The following STAU1 variants were observed in gnomAD, a reference collection of about 807,000 sequenced individuals.
STAU1 encodes staufen double-stranded RNA binding protein 1.
In STAU1, 13 loss-of-function variants were observed where a neutral mutation model predicts 62.9. That is an observed-to-expected ratio of 0.21 (90% confidence interval 0.13 to 0.33). The LOEUF (loss-of-function observed/expected upper bound fraction) is 0.33. Ranked by LOEUF, STAU1 falls within the 10% of genes least tolerant of loss-of-function variation. STAU1 has a pLI of 1.00. For synonymous variants in STAU1, 269 were observed against 265.1 expected (o/e 1.01, Z -0.14); for missense variants, 571 against 712.1 (o/e 0.80, Z 2.25).
At chr20:49,123,325 G>A in intron 7 of STAU1, 90 bp from the exon 8 acceptor site, 2 of 1,575,622 alleles carry the variant, frequency 1.3e-6, no homozygotes, top group Non-Finnish European at 1.7e-6. Flanking sequence ...GGAGATAAGA[G>A]ATTTTGGGTT....
chr20:49,207,755 C>T, the STAU1 span, among the ~76,000 whole-genome samples: 59 of 152,020 alleles, frequency 3.9e-4, no homozygotes, highest in Non-Finnish European at 6.0e-4. Flanking sequence ...CGGCTGACCT[C>T]GTGATCCACC....
chr20:49,217,846 C>CAAAAAT, the STAU1 span, among the ~76,000 whole-genome samples: 15 of 149,970 alleles, frequency 1.0e-4, no homozygotes, highest in Non-Finnish European at 2.1e-4. Context: ...GACCCTGTCT[C>CAAAAAT]AAAAATAAAA....
chr20:49,163,816 G>A (rs2093486041), intron 3 of STAU1, among the ~76,000 whole-genome samples: 1 of 152,032 alleles, frequency 6.6e-6, no homozygotes, highest in South Asian at 2.1e-4. Flanking sequence ...CCAGGCTGGA[G>A]TAAGACAGCA....
chr20:49,211,397 G>A, the STAU1 span, among the ~76,000 whole-genome samples: 1 of 150,904 alleles, frequency 6.6e-6, no homozygotes, highest in East Asian at 1.9e-4. Flanking sequence ...TAGAGGCAGG[G>A]TCTCTGTATG....
intron 9 of STAU1, 125 bp from the exon 10 acceptor site, chr20:49,118,533 C>T: frequency 1.4e-6 from 1 of 718,660 alleles, no homozygotes; most frequent in South Asian, 1.8e-5. Flanking sequence ...GCAGAAAAAC[C>T]CTGCCCCACC....
the STAU1 span, among the ~76,000 whole-genome samples, chr20:49,197,176 A>C: frequency 6.6e-6 from 1 of 151,674 alleles, no homozygotes; most frequent in Non-Finnish European, 1.5e-5. Context: ...ATAAAATAAA[A>C]CAAAATAACA....
chr20:49,134,470 C>T (rs1350193532), intron 6 of STAU1: 6 of 753,526 alleles, frequency 8.0e-6, no homozygotes, highest in African/African-American at 5.6e-5. Flanking sequence ...GAAACCCGGG[C>T]GCCGCCAAGA....
At chr20:49,211,071 T>C in the STAU1 span, among the ~76,000 whole-genome samples, 1 of 152,312 alleles carries the variant, frequency 6.6e-6, no homozygotes, top group East Asian at 1.9e-4. Context: ...AATAAAATAA[T>C]ATGTAACCTT....
At chr20:49,174,428 G>T (rs574033795) in intron 1 of STAU1, among the ~76,000 whole-genome samples, 159 bp from the exon 2 acceptor site, 1 of 152,316 alleles carries the variant, frequency 6.6e-6, no homozygotes, top group African/African-American at 2.4e-5. Flanking sequence ...GTCTTCAAAA[G>T]ACACAAGCGG....
At chr20:49,158,448 A>G (rs748290337) in intron 3 of STAU1, 10 of 1,304,534 alleles carry the variant, frequency 7.7e-6, no homozygotes, top group African/African-American at 1.5e-5. Context: ...TTCATAGCTG[A>G]TTTTTCTTGT....
At position 49,151,566 on chromosome 20, in the gene STAU1, G is replaced by A. The variant is rs761512264; in HGVS notation, c.510+16C>T. The A allele has an allele frequency of 6.3e-7, 1 of 1,579,920 alleles. No individual in the cohort carries two copies. The highest frequency in any genetic ancestry group is 1.2e-5 in the South Asian group (1 of 85,740). On this transcript the variant is annotated intron_variant, in intron 5 of 13. Transcript: ENST00000371856. ...ACCCTGTCGAAGCGTCAGGGAGCCT[G>A]GGCTCAACTCCTCACCTCCAGCCTC...
chr20:49,130,350 G>A (rs912119738), intron 6 of STAU1, among the ~76,000 whole-genome samples: 33 of 152,196 alleles, frequency 2.2e-4, no homozygotes, highest in Admixed American at 1.9e-3. Flanking sequence ...ACTTTACTGG[G>A]TGGGAGATGT....
intron 12 of STAU1, among the ~76,000 whole-genome samples, chr20:49,116,144 G>A (rs2092318391): frequency 6.6e-6 from 1 of 151,904 alleles, no homozygotes; most frequent in African/African-American, 2.4e-5. Context: ...GTTATATCCT[G>A]CTTTCTAACA....
rs1415229863 is a variant in STAU1, at chr20:49,151,722, G to A, written c.370C>T (p.Pro124Ser). Residue 124 changes from proline (P) to serine (S), a missense_variant, in exon 5 of 14, where the codon CCT (proline) becomes TCT (serine). Coordinates refer to ENST00000371856, the MANE Select transcript of STAU1 (RefSeq NM_017453.4). ...GAAAGTTCCACTTGATAAAGTAAAGGTGGAACTGGAAATGGGTAAAAGTAC... is the reference window on the plus strand; with the variant it reads ...GAAAGTTCCACTTGATAAAGTAAAGATGGAACTGGAAATGGGTAAAAGTAC... Reference protein sequence around the residue: ...PRYFYPFPVPPLLYQVELSVG... With the variant: ...PRYFYPFPVPSLLYQVELSVG... 2 of 1,609,774 alleles carry A rather than the reference G, an allele frequency of 1.2e-6. No individual in the cohort carries two copies. The highest frequency in any genetic ancestry group is 4.5e-5 in the East Asian group (2 of 44,686).
chr20:49,151,984 T>C (rs552613253), intron 4 of STAU1, among the ~76,000 whole-genome samples: 5 of 152,300 alleles, frequency 3.3e-5, no homozygotes, highest in Non-Finnish European at 5.9e-5. Flanking sequence ...CAAAATACAA[T>C]GGCTTATAAA....
the STAU1 span, among the ~76,000 whole-genome samples, chr20:49,193,861 C>G: frequency 4.1e-4 from 63 of 151,910 alleles, 2 homozygotes; most frequent in South Asian, 0.013. Context: ...CCCAGCTACT[C>G]AGGAGGCTGA....
chr20:49,218,511 C>T, the STAU1 span, among the ~76,000 whole-genome samples: 4 of 152,154 alleles, frequency 2.6e-5, no homozygotes, highest in South Asian at 8.3e-4. Context: ...AGGCGTGAGC[C>T]ACCACGCCCA....
chr20:49,209,007 C>A, the STAU1 span, among the ~76,000 whole-genome samples: 1 of 151,920 alleles, frequency 6.6e-6, no homozygotes, highest in African/African-American at 2.4e-5. Flanking sequence ...ACAATCTCAG[C>A]TCACTGCAAC....
At chr20:49,200,327 G>A in the STAU1 span, among the ~76,000 whole-genome samples, 11 of 152,234 alleles carry the variant, frequency 7.2e-5, no homozygotes, top group South Asian at 1.7e-3. Flanking sequence ...GGCCAGGTGC[G>A]GTGGCTCACG....
Sources: allele counts gnomAD v4.1 joint callset (sites outside exome capture counted in the v4.1 genomes callset), GRCh38; gene constraint gnomAD v4.1.1; transcripts MANE v1.5; gene names NCBI Gene and HGNC (gene_info 2026-07-23, HGNC 2026-07-21).